IQGAP3: variants seen among roughly 807,000 people sequenced by gnomAD.
IQGAP3 encodes ras GTPase-activating-like protein IQGAP3.
Under a neutral mutation model 208.2 loss-of-function variants are expected in IQGAP3, and 165 were observed. The observed-to-expected ratio is 0.79, with a 90% CI of 0.70 to 0.90. The LOEUF is 0.90. IQGAP3 is among the 40% of genes least tolerant of loss of function. IQGAP3 has a pLI of 0.00. For synonymous variants in IQGAP3, 703 were observed against 803.6 expected (o/e 0.87, Z 2.12); for missense variants, 1,811 against 2,043.1 (o/e 0.89, Z 2.19).
At chr1:156,545,479 T>C (rs1378381297) in intron 19 of IQGAP3, among the ~76,000 whole-genome samples, 1 of 151,422 alleles carries the variant, frequency 6.6e-6, no homozygotes, top group African/African-American at 2.4e-5. Context: ...TACTCACCTT[T>C]GTTCCCACTG....
At chr1:156,545,974 C>T (rs567656478) in intron 19 of IQGAP3, among the ~76,000 whole-genome samples, 2 of 152,252 alleles carry the variant, frequency 1.3e-5, no homozygotes, top group Admixed American at 1.3e-4. Context: ...TTACACGGCC[C>T]CTCTGTTGGG....
At chr1:156,569,655 AC>A (rs1381568197) in intron 1 of IQGAP3, among the ~76,000 whole-genome samples, 192 bp from the exon 2 acceptor site, 1 of 145,152 alleles carries the variant, frequency 6.9e-6, no homozygotes, top group East Asian at 2.1e-4. Flanking sequence ...AGTAGCTGGG[AC>A]TACAGGCGCC....
intron 13 of IQGAP3, among the ~76,000 whole-genome samples, chr1:156,554,003 T>C (rs1247849626): frequency 1.3e-5 from 2 of 152,230 alleles, no homozygotes; most frequent in Non-Finnish European, 2.9e-5. Context: ...CATGGGTCAG[T>C]ACTCAAACAT....
At chr1:156,561,763 T>G in intron 10 of IQGAP3, 75 bp downstream of exon 10, 3 of 1,427,172 alleles carry the variant, frequency 2.1e-6, no homozygotes, top group Non-Finnish European at 2.9e-6. Context: ...CCAACAGTGG[T>G]GATCTTTGAG....
chr1:156,536,982 C>T, intron 27 of IQGAP3, 199 bp downstream of exon 27: 1 of 492,368 alleles, frequency 2.0e-6, no homozygotes, highest in Non-Finnish European at 3.5e-6. Flanking sequence ...CACAGACTTG[C>T]ACGCCGTCTC....
At position 156,538,963 on chromosome 1, in the gene IQGAP3, A is replaced by G; in HGVS notation, c.3127T>C (p.Tyr1043His). The change falls in exon 26 of 38, where the codon TAC becomes CAC. Residue 1043 changes from tyrosine to histidine, a missense_variant. Transcript: ENST00000361170. Reference protein sequence around the residue: ...PTVVRLVVRFYRNGRGQSALQ... With the variant: ...PTVVRLVVRFHRNGRGQSALQ... ...GCACTCTGTCCCCGCCCATTACGGT[A>G]GAATCTCACCACCAGCCTCACCACT... is the stretch of plus-strand genomic sequence containing the variant. 6.2e-7 allele frequency: 1 copy of G among 1,614,136 alleles called. No individual in the cohort carries two copies.
At chr1:156,563,468 C>T in intron 7 of IQGAP3, 85 bp downstream of exon 7, 1 of 1,366,900 alleles carries the variant, frequency 7.3e-7, no homozygotes, top group Non-Finnish European at 1.0e-6. Context: ...TGAGAGCTGG[C>T]CAGAACCCAT....
At chr1:156,532,690 A>T (rs2102360777) in intron 32 of IQGAP3, among the ~76,000 whole-genome samples, 1 of 152,342 alleles carries the variant, frequency 6.6e-6, no homozygotes, top group Non-Finnish European at 1.5e-5. Flanking sequence ...TCTACTTGAA[A>T]AAAAAGAAAA....
intron 20 of IQGAP3, 74 bp downstream of exon 20, chr1:156,544,315 A>G (rs1675129121): frequency 6.4e-7 from 1 of 1,557,236 alleles, no homozygotes; most frequent in African/African-American, 1.4e-5. Context: ...GGTCACAAGA[A>G]GGTGACAAGA....
In IQGAP3 at chr1:156,533,040, T is replaced by C; in HGVS notation, c.4043A>G (p.Asn1348Ser). 6.2e-7 allele frequency: 1 copy of C among 1,614,052 alleles called. No individual in the cohort carries two copies. The highest frequency in any genetic ancestry group is 8.5e-7 in the Non-Finnish European group (1 of 1,179,978). ...ATCTGCCTCTAGTCCTTCAAACTTG[T>C]TGGTCAGCGTCAGGGACACTTCTAG... ...SKLEVSLTLT[N>S]KFEGLEADAD... Residue 1348 changes from asparagine to serine, a missense_variant, in exon 32 of 38, where the codon AAC (asparagine) becomes AGC (serine). Transcript: ENST00000361170.
In IQGAP3 at chr1:156,538,816, G is replaced by A; in HGVS notation, c.3274C>T (p.Gln1092Ter). The A allele has an allele frequency of 1.2e-6, 2 of 1,613,804 alleles. No homozygotes were observed. The highest frequency in any genetic ancestry group is 1.7e-6 in the Non-Finnish European group (2 of 1,179,750). Residue 1092 changes from glutamine (Q) to a stop codon, truncating the protein, a stop_gained, in exon 26 of 38, where the codon CAG (glutamine) becomes TAG (stop). Transcript: ENST00000361170. LOFTEE classifies it high-confidence loss of function. Reference sequence around the variant, plus strand: ...CTCTGCCCATGTGCTCACCTGCGCTGCCCTGTCTGGGCCTCAGTCTGGTTG... The same window carrying A: ...CTCTGCCCATGTGCTCACCTGCGCTACCCTGTCTGGGCCTCAGTCTGGTTG... Reference protein sequence around the residue: ...WINQTEAQTGQRSHLPYDVTP... With the variant: ...WINQTEAQTG
At chr1:156,529,357 T>C (rs1351662442) in intron 34 of IQGAP3, among the ~76,000 whole-genome samples, 2 of 152,166 alleles carry the variant, frequency 1.3e-5, no homozygotes, top group Non-Finnish European at 2.9e-5. Context: ...AAGCTGAGGA[T>C]TGGGTTTTCA....
intron 27 of IQGAP3, among the ~76,000 whole-genome samples, chr1:156,535,546 G>A (rs560670185): frequency 6.6e-5 from 10 of 152,140 alleles, no homozygotes; most frequent in Non-Finnish European, 1.2e-4. Context: ...AGACTCTCTG[G>A]GTCCCCTGCA....
chr1:156,539,684 CAG>C, intron 24 of IQGAP3, 147 bp from the exon 25 acceptor site: 2 of 1,180,540 alleles, frequency 1.7e-6, no homozygotes, highest in Non-Finnish European at 2.4e-6. Flanking sequence ...TCCAGACAAA[CAG>C]GGGAAGAGGT....
At chr1:156,561,710 T>C (rs1258708068) in intron 10 of IQGAP3, 128 bp downstream of exon 10, 5 of 928,830 alleles carry the variant, frequency 5.4e-6, no homozygotes, top group Non-Finnish European at 8.3e-6. Context: ...TGGGGTGATT[T>C]AACCATTTAA....
chr1:156,529,856 G>A (rs1314316138), intron 34 of IQGAP3, among the ~76,000 whole-genome samples: 1 of 145,822 alleles, frequency 6.9e-6, no homozygotes, highest in Non-Finnish European at 1.5e-5. Flanking sequence ...AGGAGGTGAA[G>A]GTTGCAGTGA....
chr1:156,534,155 G>A lies in IQGAP3; in HGVS notation c.3741-14C>T, dbSNP rs6661934. On this transcript the variant is annotated splice_polypyrimidine_tract_variant and intron_variant, in intron 29 of 37. Coordinates refer to ENST00000361170, the MANE Select transcript of IQGAP3 (RefSeq NM_178229.5). ...TGGATGAACTTCCTGTCCAGAGGGC[G>A]GGCATGTGAGAGAGCGGGGAGGGCC... The A allele has an allele frequency of 0.08, 128,666 of 1,612,408 alleles. 5,615 individuals carry two copies. Among genetic ancestry groups the A allele is most frequent in the Middle Eastern group, 0.11 (663 of 6,062 alleles).
rs752644738 is a variant in IQGAP3, at chr1:156,554,317, C to T, written c.1366G>A (p.Ala456Thr). Residue 456 changes from alanine (A) to threonine (T), a missense_variant, in exon 13 of 38, where the codon GCC (alanine) becomes ACC (threonine). Ala to Thr is a moderately conservative substitution (Grantham distance 58). Coordinates refer to ENST00000361170, the MANE Select transcript of IQGAP3 (RefSeq NM_178229.5). ...CTCCAGAAGCCACTGGCATCCCGGG[C>T]CTCCAGGGCCCGGTTAATCAGGACC... is the stretch of plus-strand genomic sequence containing the variant. ...AVVLINRALE[A>T]RDASGFWSSL... The T allele has an allele frequency of 6.2e-7, 1 of 1,614,178 alleles. No homozygotes were observed. The highest frequency in any genetic ancestry group is 1.1e-5 in the South Asian group (1 of 91,076).
chr1:156,561,753 C>T (rs1676157804), intron 10 of IQGAP3, 85 bp downstream of exon 10: 1 of 1,347,704 alleles, frequency 7.4e-7, no homozygotes, highest in Non-Finnish European at 1.0e-6. Flanking sequence ...ATACAAAGGA[C>T]CAACAGTGGT....
Sources: gnomAD v4.1 joint callset for allele counts (sites outside exome capture counted in the v4.1 genomes callset) on GRCh38, gnomAD v4.1.1 for gene constraint, MANE v1.5 for transcripts, NCBI Gene and HGNC (gene_info 2026-07-23, HGNC 2026-07-21) for gene names.